The following RBFOX1 variants were observed in gnomAD, a reference collection of about 807,000 sequenced individuals.
RBFOX1 encodes the protein RNA binding fox-1 homolog 1.
In RBFOX1, 8 loss-of-function variants were observed where a neutral mutation model predicts 57.7. That is an observed-to-expected ratio of 0.14 (90% confidence interval 0.08 to 0.25). RBFOX1 has a LOEUF of 0.25. Ranked by LOEUF, RBFOX1 falls within the 10% of genes least tolerant of loss-of-function variation. RBFOX1 has a pLI of 1.00. For synonymous variants in RBFOX1, 326 were observed against 222.4 expected (o/e 1.47, Z -4.15); for missense variants, 611 against 548.5 (o/e 1.11, Z -1.14).
chr16:6,957,029 G>T (rs1300732394), intron 3 of RBFOX1, among the ~76,000 whole-genome samples: 1 of 151,668 alleles, frequency 6.6e-6, no homozygotes, highest in African/African-American at 2.4e-5. Context: ...AGAAATAAAA[G>T]AATAGGCATA....
At chr16:7,297,245 T>C (rs1425582556) in intron 4 of RBFOX1, among the ~76,000 whole-genome samples, 2 of 152,178 alleles carry the variant, frequency 1.3e-5, no homozygotes, top group Non-Finnish European at 2.9e-5. Flanking sequence ...TATGTGAGGC[T>C]TGATGTAAAG....
At chr16:7,231,912 G>C (rs1366749687) in intron 4 of RBFOX1, among the ~76,000 whole-genome samples, 1 of 152,140 alleles carries the variant, frequency 6.6e-6, no homozygotes, top group Non-Finnish European at 1.5e-5. Flanking sequence ...AGGGGTTGGG[G>C]AATAACCATT....
chr16:6,667,569 G>A (rs919948687), intron 3 of RBFOX1, among the ~76,000 whole-genome samples: 1 of 152,066 alleles, frequency 6.6e-6, no homozygotes, highest in African/African-American at 2.4e-5. Flanking sequence ...TCTTGGCTAG[G>A]CACAGGATGC....
At chr16:5,559,033 G>A (rs1234578716) in intron 2 of RBFOX1, among the ~76,000 whole-genome samples, 2 of 152,076 alleles carry the variant, frequency 1.3e-5, no homozygotes, top group Non-Finnish European at 2.9e-5. Flanking sequence ...TAGCAGTTAT[G>A]CTCACGTGGG....
chr16:7,671,336 C>G (rs2071362432), intron 13 of RBFOX1, among the ~76,000 whole-genome samples: 1 of 152,064 alleles, frequency 6.6e-6, no homozygotes. Flanking sequence ...TGGTTTGATC[C>G]CCATCTCCAC....
intron 1 of RBFOX1, among the ~76,000 whole-genome samples, chr16:5,434,651 G>A (rs755409908): frequency 2.0e-5 from 3 of 152,054 alleles, no homozygotes; most frequent in Non-Finnish European, 4.4e-5. Flanking sequence ...CCTCTAAATT[G>A]TGTGCTAATA....
At chr16:7,260,715 C>T (rs2094885596) in intron 4 of RBFOX1, among the ~76,000 whole-genome samples, 1 of 152,078 alleles carries the variant, frequency 6.6e-6, no homozygotes, top group Admixed American at 6.5e-5. Context: ...CCACTCAATC[C>T]TGAAGGAGTC....
chr16:6,973,189 G>T (rs368205481), intron 3 of RBFOX1, among the ~76,000 whole-genome samples: 2 of 151,468 alleles, frequency 1.3e-5, no homozygotes, highest in East Asian at 3.9e-4. Flanking sequence ...GAGAGTGTGT[G>T]TGTGGTGGTG....
intron 1 of RBFOX1, among the ~76,000 whole-genome samples, chr16:5,325,144 A>G (rs1272773481): frequency 6.6e-6 from 1 of 152,030 alleles, no homozygotes; most frequent in Admixed American, 6.5e-5. Context: ...CTGCTCTACA[A>G]CACCTTCCCT....
At chr16:7,525,748 C>G (rs569851725) in intron 5 of RBFOX1, among the ~76,000 whole-genome samples, 1 of 152,308 alleles carries the variant, frequency 6.6e-6, no homozygotes, top group East Asian at 1.9e-4. Flanking sequence ...AAAGATCATG[C>G]TAGGCCCTCT....
chr16:5,827,788 T>C (rs961622954), intron 3 of RBFOX1, among the ~76,000 whole-genome samples: 2 of 152,154 alleles, frequency 1.3e-5, no homozygotes, highest in Non-Finnish European at 2.9e-5. Flanking sequence ...TTTTTTCTCC[T>C]ACACTCGTCC....
At chr16:6,194,447 C>T (rs1231694387) in intron 1 of RBFOX1, among the ~76,000 whole-genome samples, 1 of 152,158 alleles carries the variant, frequency 6.6e-6, no homozygotes, top group Non-Finnish European at 1.5e-5. Context: ...TTGTTCCTCT[C>T]TGCTCTCAGG....
intron 4 of RBFOX1, among the ~76,000 whole-genome samples, chr16:7,264,318 G>C (rs904017225): frequency 3.3e-5 from 5 of 152,198 alleles, no homozygotes; most frequent in African/African-American, 1.2e-4. Flanking sequence ...AAAAACAAAT[G>C]AGCAGAATTC....
chr16:5,326,374 A>G (rs901087809), intron 1 of RBFOX1, among the ~76,000 whole-genome samples: 1 of 152,180 alleles, frequency 6.6e-6, no homozygotes, highest in African/African-American at 2.4e-5. Flanking sequence ...AAATAATAAA[A>G]TACATGTCCA....
chr16:5,952,617 A>G (rs1404293087), intron 4 of RBFOX1, among the ~76,000 whole-genome samples: 1 of 152,108 alleles, frequency 6.6e-6, no homozygotes, highest in East Asian at 1.9e-4. Flanking sequence ...TATGTTATTT[A>G]CCATTATATT....
intron 2 of RBFOX1, among the ~76,000 whole-genome samples, chr16:5,514,749 GA>G (rs1478797459): frequency 6.6e-6 from 1 of 152,116 alleles, no homozygotes. Flanking sequence ...AGGGAAGGAG[GA>G]AGGGGAAGAG....
At chr16:6,405,963 C>G (rs571929115) in intron 2 of RBFOX1, among the ~76,000 whole-genome samples, 2 of 152,292 alleles carry the variant, frequency 1.3e-5, no homozygotes, top group South Asian at 4.1e-4. Context: ...CATATTCCTA[C>G]CTTGGATGCT....
At chr16:7,099,261 A>G (rs2062234235) in intron 4 of RBFOX1, among the ~76,000 whole-genome samples, 2 of 152,162 alleles carry the variant, frequency 1.3e-5, no homozygotes, top group East Asian at 1.9e-4. Flanking sequence ...GGCAGGAGAG[A>G]TCACTCTAGC....
chr16:7,187,604 G>A (rs1052592723), intron 4 of RBFOX1, among the ~76,000 whole-genome samples: 4 of 142,794 alleles, frequency 2.8e-5, no homozygotes, highest in African/African-American at 1.0e-4. Flanking sequence ...CAGGAGAATG[G>A]TGTGAACCCG....
Sources: gnomAD v4.1 joint callset for allele counts (sites outside exome capture counted in the v4.1 genomes callset) on GRCh38, gnomAD v4.1.1 for gene constraint, MANE v1.5 for transcripts, NCBI Gene and HGNC (gene_info 2026-07-23, HGNC 2026-07-21) for gene names.